Variants in MAML2 observed in about 807,000 individuals in gnomAD.
The protein encoded by MAML2 is mastermind-like protein 2.
Under a neutral mutation model 96.1 loss-of-function variants are expected in MAML2, and 22 were observed. The observed-to-expected ratio is 0.23, with a 90% confidence interval of 0.16 to 0.33. The LOEUF is 0.33. Among genes scored for constraint, MAML2 ranks in the 10% least tolerant of loss-of-function variants. The pLI is 1.00. For synonymous variants in MAML2, 561 were observed against 521.3 expected (o/e 1.08, Z -1.04); for missense variants, 1,367 against 1,392.4 (o/e 0.98, Z 0.29).
At position 95,977,610 on chromosome 11, in the gene MAML2, G is replaced by A. The variant is rs868772424; in HGVS notation, c.*1338C>T. The A allele has an allele frequency of 1.9e-5, 4 of 213,902 alleles. No homozygotes were observed. Among genetic ancestry groups the A allele is most frequent in the Non-Finnish European group, 3.8e-5 (4 of 105,812 alleles). 13.3% of individuals were successfully genotyped at this position (213,902 alleles called of 1,614,324 possible). A position where few individuals can be genotyped will look rare whatever the true frequency, so the allele number is the denominator to read the frequency against. ...TTGCATTCATTCCAAATCAGCACAC[G>A]TCTTCCCCATTTTACAGCTGATCTG... On this transcript the variant is annotated 3_prime_UTR_variant, in exon 5 of 5. Coordinates refer to ENST00000524717, the MANE Select transcript of MAML2 (RefSeq NM_032427.4).
chr11:96,113,487 C>T (rs1400982896), intron 1 of MAML2, among the ~76,000 whole-genome samples: 1 of 151,718 alleles, frequency 6.6e-6, no homozygotes, highest in African/African-American at 2.4e-5. Flanking sequence ...TTTAGTCTCC[C>T]ACCAGCTTCC....
At chr11:96,107,345 T>G (rs1445735098) in intron 1 of MAML2, among the ~76,000 whole-genome samples, 1 of 152,188 alleles carries the variant, frequency 6.6e-6, no homozygotes, top group Non-Finnish European at 1.5e-5. Context: ...CTCAGTCTCC[T>G]CCTCTGAATA....
Position 96,338,871 on chromosome 11 carries a change from G to A in MAML2, c.513+2512C>T, listed in dbSNP as rs147605599. Among the ~76,000 whole-genome samples the A allele has an allele frequency of 3.2e-4, 49 of 152,268 alleles. No individual in the cohort carries two copies. The East Asian group carries it at 3.5e-3, about 11-fold the overall frequency. On this transcript the variant is annotated intron_variant, in intron 1 of 4. Transcript: ENST00000524717. ...AATTAATAGCATATCTGAAAAATAA[G>A]AGGAGCCCGAGTAAAGTGAGACCTG...
At chr11:95,997,270 A>T (rs1349258722) in intron 2 of MAML2, among the ~76,000 whole-genome samples, 1 of 151,886 alleles carries the variant, frequency 6.6e-6, no homozygotes, top group African/African-American at 2.4e-5. Context: ...TTTATTGTGT[A>T]CTCCTAGATA....
chr11:96,014,851 G>T (rs1337866915), intron 2 of MAML2, among the ~76,000 whole-genome samples: 1 of 152,156 alleles, frequency 6.6e-6, no homozygotes, highest in Non-Finnish European at 1.5e-5. Context: ...AAATCATGGG[G>T]TATGCAAATC....
chr11:96,017,127 A>G (rs921326481), intron 2 of MAML2, among the ~76,000 whole-genome samples: 6 of 152,202 alleles, frequency 3.9e-5, no homozygotes, highest in Non-Finnish European at 8.8e-5. Context: ...AATCTTTACA[A>G]CATTCTTTTG....
chr11:96,249,046 T>C (rs562831300), intron 1 of MAML2, among the ~76,000 whole-genome samples: 5 of 152,356 alleles, frequency 3.3e-5, no homozygotes, highest in East Asian at 3.9e-4. Flanking sequence ...ACACCACTGA[T>C]TGAAAGTCAC....
intron 1 of MAML2, among the ~76,000 whole-genome samples, chr11:96,122,303 ATT>A (rs111647397): frequency 1.4e-5 from 2 of 145,918 alleles, no homozygotes; most frequent in African/African-American, 2.5e-5. Context: ...AAACCTGCAG[ATT>A]TTTTTTTTTT....
intron 1 of MAML2, among the ~76,000 whole-genome samples, chr11:96,166,267 A>C (rs1257605166): frequency 6.6e-6 from 1 of 151,552 alleles, no homozygotes; most frequent in Admixed American, 6.6e-5. Flanking sequence ...GGATTGCAAA[A>C]ACATGCTAGA....
chr11:96,280,261 T>A (rs2135985233), intron 1 of MAML2, among the ~76,000 whole-genome samples: 1 of 152,312 alleles, frequency 6.6e-6, no homozygotes, highest in Non-Finnish European at 1.5e-5. Context: ...TAGCTGTGTA[T>A]CTCTCATGGA....
chr11:96,096,705 C>A (rs1859835724), intron 1 of MAML2, among the ~76,000 whole-genome samples: 1 of 152,184 alleles, frequency 6.6e-6, no homozygotes, highest in African/African-American at 2.4e-5. Context: ...CTCAACTTTT[C>A]TGGGCCACAG....
chr11:96,263,776 A>G (rs1460291452), intron 1 of MAML2, among the ~76,000 whole-genome samples: 1 of 152,234 alleles, frequency 6.6e-6, no homozygotes, highest in Non-Finnish European at 1.5e-5. Context: ...TTGAATGGTC[A>G]AAGTGGTTGG....
intron 4 of MAML2, among the ~76,000 whole-genome samples, chr11:95,983,239 T>C (rs1337935206): frequency 6.6e-6 from 1 of 151,654 alleles, no homozygotes; most frequent in Non-Finnish European, 1.5e-5. Context: ...CTAATGTGTG[T>C]TTGTGTGTGT....
intron 1 of MAML2, among the ~76,000 whole-genome samples, chr11:96,199,138 A>C (rs1861775658): frequency 7.2e-6 from 1 of 139,820 alleles, no homozygotes; most frequent in East Asian, 2.3e-4. Context: ...CAGAGTTTGC[A>C]GTGGGCCAAA....
At chr11:96,021,293 C>T (rs528301774) in intron 2 of MAML2, among the ~76,000 whole-genome samples, 1 of 152,300 alleles carries the variant, frequency 6.6e-6, no homozygotes, top group South Asian at 2.1e-4. Flanking sequence ...TGGCCTTACT[C>T]ACAGCAGTGC....
intron 1 of MAML2, among the ~76,000 whole-genome samples, chr11:96,250,087 T>G (rs1482093384): frequency 1.3e-5 from 2 of 152,158 alleles, no homozygotes; most frequent in Non-Finnish European, 2.9e-5. Context: ...GGCTCGCTCC[T>G]TTACTTCCTG....
rs549312275 is a variant in MAML2, at chr11:96,034,432, T to TGTGTGTGAGAGAGAGAGAGA, written c.2140-42710_2140-42709insTCTCTCTCTCTCTCACACAC. 1.4e-3 allele frequency among the ~76,000 whole-genome samples: 193 copies of TGTGTGTGAGAGAGAGAGAGA among 135,692 alleles called. 2 individuals carry two copies. Among genetic ancestry groups the TGTGTGTGAGAGAGAGAGAGA allele is most frequent in the Non-Finnish European group, 2.1e-3 (133 of 63,632 alleles). The allele number at this position is 135,692 out of a possible 152,430, so 89.0% of individuals were successfully genotyped here. A position where few individuals can be genotyped will look rare whatever the true frequency, so the allele number is the denominator to read the frequency against. ...AAGTGTGTGTGTGTGTGTGTGTGTGTGAGAGAGAGAGAGAGAGAGAGAGAG... is the reference window on the plus strand; with the variant it reads ...AAGTGTGTGTGTGTGTGTGTGTGTGTGTGTGTGAGAGAGAGAGAGAGAGAGAGAGAGAGAGAGAGAGAGAG... On this transcript the variant is annotated intron_variant, in intron 2 of 4. Coordinates refer to ENST00000524717, the MANE Select transcript of MAML2 (RefSeq NM_032427.4).
At chr11:96,219,431 C>T (rs750317708) in intron 1 of MAML2, among the ~76,000 whole-genome samples, 3 of 152,248 alleles carry the variant, frequency 2.0e-5, no homozygotes, top group East Asian at 1.9e-4. Context: ...GTTCATTTGA[C>T]GTTTAACATA....
intron 1 of MAML2, among the ~76,000 whole-genome samples, chr11:96,176,565 A>G (rs558950933): frequency 2.1e-3 from 319 of 152,216 alleles, no homozygotes; most frequent in African/African-American, 7.4e-3. Flanking sequence ...TTGCCACTCT[A>G]TGAAACCCTT....
Sources: allele counts gnomAD v4.1 joint callset (sites outside exome capture counted in the v4.1 genomes callset), GRCh38; gene constraint gnomAD v4.1.1; transcripts MANE v1.5; gene names NCBI Gene and HGNC (gene_info 2026-07-23, HGNC 2026-07-21).